The following HS6ST3 variants were observed in gnomAD, a reference collection of about 807,000 sequenced individuals.
HS6ST3 encodes heparan-sulfate 6-O-sulfotransferase 3.
In HS6ST3, 12 loss-of-function variants were observed where a neutral mutation model predicts 36.7. That is an observed-to-expected ratio of 0.33 (90% CI 0.21 to 0.53). HS6ST3 has a LOEUF of 0.53. Among genes scored for constraint, HS6ST3 ranks in the 20% least tolerant of loss-of-function variants. The probability of loss-of-function intolerance (pLI) is 0.95; values close to 1 mark genes in which losing one functional copy is unlikely to be tolerated. For synonymous variants in HS6ST3, 240 were observed against 257.5 expected (o/e 0.93, Z 0.65); for missense variants, 584 against 640.9 (o/e 0.91, Z 0.96).
At chr13:96,276,597 T>G (rs1327100864) in intron 1 of HS6ST3, among the ~76,000 whole-genome samples, 1 of 152,230 alleles carries the variant, frequency 6.6e-6, no homozygotes, top group Non-Finnish European at 1.5e-5. Flanking sequence ...TGTGAAAGTA[T>G]CTTGCACATA....
At chr13:96,586,838 G>T (rs990510184) in intron 1 of HS6ST3, among the ~76,000 whole-genome samples, 1 of 152,006 alleles carries the variant, frequency 6.6e-6, no homozygotes, top group Admixed American at 6.6e-5. Context: ...TGCTTTTGTT[G>T]TCTGTGCTTT....
chr13:96,390,015 CT>C, intron 1 of HS6ST3, among the ~76,000 whole-genome samples: 1 of 151,944 alleles, frequency 6.6e-6, no homozygotes, highest in South Asian at 2.1e-4. Flanking sequence ...GGTTCTTTCT[CT>C]TTTTTTTGTA....
intron 1 of HS6ST3, among the ~76,000 whole-genome samples, chr13:96,498,067 A>C (rs1020047405): frequency 5.9e-5 from 9 of 152,188 alleles, no homozygotes; most frequent in African/African-American, 1.9e-4. Context: ...ACAGGGGTAG[A>C]AAATGATTTT....
At chr13:96,590,061 T>C (rs1051111770) in intron 1 of HS6ST3, among the ~76,000 whole-genome samples, 2 of 152,150 alleles carry the variant, frequency 1.3e-5, no homozygotes, top group African/African-American at 4.8e-5. Context: ...ATGTGTACTG[T>C]GTTTTCTTTA....
At chr13:96,226,947 G>A (rs979884623) in intron 1 of HS6ST3, among the ~76,000 whole-genome samples, 33 of 152,132 alleles carry the variant, frequency 2.2e-4, no homozygotes, top group African/African-American at 6.5e-4. Flanking sequence ...GTGCTCCATC[G>A]TGATGTTATC....
At chr13:96,513,389 T>A (rs2056058785) in intron 1 of HS6ST3, among the ~76,000 whole-genome samples, 3 of 152,162 alleles carry the variant, frequency 2.0e-5, no homozygotes. Flanking sequence ...TCTGCTCATT[T>A]GGGGTTTTCT....
At chr13:96,377,185 T>C (rs1005782399) in intron 1 of HS6ST3, among the ~76,000 whole-genome samples, 2 of 151,350 alleles carry the variant, frequency 1.3e-5, no homozygotes, top group African/African-American at 4.9e-5. Flanking sequence ...AGCATCATAG[T>C]GAGACCCTGT....
intron 1 of HS6ST3, among the ~76,000 whole-genome samples, chr13:96,121,710 G>A (rs555951804): frequency 6.6e-6 from 1 of 152,280 alleles, no homozygotes; most frequent in African/African-American, 2.4e-5. Context: ...GACTCCATTT[G>A]GAGGAGCAGC....
intron 1 of HS6ST3, among the ~76,000 whole-genome samples, chr13:96,716,819 A>G (rs188872269): frequency 4.2e-3 from 641 of 152,362 alleles, no homozygotes; most frequent in Admixed American, 9.9e-3. Flanking sequence ...GTAACCGTAA[A>G]GTGAAAAAGA....
At chr13:96,584,437 C>T (rs1388909600) in intron 1 of HS6ST3, among the ~76,000 whole-genome samples, 2 of 152,194 alleles carry the variant, frequency 1.3e-5, no homozygotes, top group African/African-American at 4.8e-5. Flanking sequence ...AGCCACCACA[C>T]CTAGCCTCAA....
intron 1 of HS6ST3, among the ~76,000 whole-genome samples, chr13:96,200,929 G>A (rs556230655): frequency 1.2e-4 from 18 of 152,150 alleles, no homozygotes; most frequent in African/African-American, 4.3e-4. Context: ...GCCACCCTTG[G>A]GCCTGTCAGG....
chr13:96,400,536 A>C (rs976436064), intron 1 of HS6ST3, among the ~76,000 whole-genome samples: 2 of 152,226 alleles, frequency 1.3e-5, no homozygotes, highest in Non-Finnish European at 2.9e-5. Context: ...AGGTGATAAC[A>C]GGAACTTATC....
chr13:96,814,115 C>T (rs1566460254), intron 1 of HS6ST3, among the ~76,000 whole-genome samples: 1 of 152,128 alleles, frequency 6.6e-6, no homozygotes, highest in Non-Finnish European at 1.5e-5. Flanking sequence ...CCTTGTAAAT[C>T]TTTTCCTTGC....
intron 1 of HS6ST3, among the ~76,000 whole-genome samples, chr13:96,626,695 C>A (rs1193644074): frequency 6.6e-6 from 1 of 152,040 alleles, no homozygotes; most frequent in African/African-American, 2.4e-5. Flanking sequence ...TGTTCATGAA[C>A]TTGACATTTC....
intron 1 of HS6ST3, among the ~76,000 whole-genome samples, chr13:96,505,693 A>C (rs2056023440): frequency 6.6e-6 from 1 of 152,158 alleles, no homozygotes; most frequent in Admixed American, 6.6e-5. Flanking sequence ...TATTTGATGA[A>C]GGAATTTATT....
At position 96,363,040 on chromosome 13, in the gene HS6ST3, G is replaced by GTTTAAAGT. The variant is rs376904456; in HGVS notation, c.707+271475_707+271476insAAGTTTTA. On this transcript the variant is annotated intron_variant, in intron 1 of 1. Transcript: ENST00000376705. Reference sequence around the variant, plus strand: ...GGAGAGGGAGGTCATGATTATAAAGGTTTAGCACAGGTGACAGAATCGTTC... The same window carrying GTTTAAAGT: ...GGAGAGGGAGGTCATGATTATAAAGGTTTAAAGTTTTAGCACAGGTGACAGAATCGTTC... Among the ~76,000 whole-genome samples, 133 of 152,162 alleles carry GTTTAAAGT rather than the reference G, an allele frequency of 8.7e-4. 2 individuals carry two copies. The highest frequency in any genetic ancestry group is 3.1e-3 in the African/African-American group (127 of 41,512).
At chr13:96,637,694 G>A (rs2056554619) in intron 1 of HS6ST3, among the ~76,000 whole-genome samples, 1 of 152,166 alleles carries the variant, frequency 6.6e-6, no homozygotes, top group Admixed American at 6.5e-5. Flanking sequence ...ATTAGATGCT[G>A]TATATTCAGT....
chr13:96,328,550 G>A (rs1217611555), intron 1 of HS6ST3, among the ~76,000 whole-genome samples: 2 of 151,494 alleles, frequency 1.3e-5, no homozygotes, highest in African/African-American at 4.9e-5. Context: ...CATGGTGGAT[G>A]AGCTTTTTGA....
intron 1 of HS6ST3, among the ~76,000 whole-genome samples, chr13:96,292,671 G>A (rs939373734): frequency 6.6e-6 from 1 of 151,946 alleles, no homozygotes; most frequent in African/African-American, 2.4e-5. Context: ...ATAGGCACTG[G>A]GGACTGACAG....
Sources: gnomAD v4.1 joint callset for allele counts (sites outside exome capture counted in the v4.1 genomes callset) on GRCh38, gnomAD v4.1.1 for gene constraint, MANE v1.5 for transcripts, NCBI Gene and HGNC (gene_info 2026-07-23, HGNC 2026-07-21) for gene names.